The following PDE4D variants were observed in gnomAD, a reference collection of about 807,000 sequenced individuals.
PDE4D encodes phosphodiesterase 4D.
In PDE4D, 24 loss-of-function variants were observed where a neutral mutation model predicts 87.4. The ratio of observed to expected loss-of-function variants is 0.27; its 90% CI spans 0.20 to 0.39. PDE4D has a LOEUF of 0.39. PDE4D is among the 10% of genes least tolerant of loss of function. The probability of loss-of-function intolerance (pLI) is 1.00; values close to 1 mark genes in which losing one functional copy is unlikely to be tolerated. For missense variants in PDE4D, 714 were observed against 1,041.0 expected, an observed-to-expected ratio of 0.69 and a Z score of 4.32; for synonymous variants, 384 against 383.2, an observed-to-expected ratio of 1.00 and a Z score of -0.02.
intron 1 of PDE4D, among the ~76,000 whole-genome samples, chr5:59,431,309 T>G (rs1382004539): frequency 1.3e-5 from 2 of 152,146 alleles, no homozygotes; most frequent in African/African-American, 4.8e-5. Flanking sequence ...TGTATCTTTA[T>G]CCCACAGTTT....
Position 60,257,428 on chromosome 5 carries a change from C to A in PDE4D, c.-89-71741G>T, listed in dbSNP as rs550186352. Among the ~76,000 whole-genome samples the A allele has an allele frequency of 1.3e-3, 196 of 151,990 alleles. 1 individual carries two copies. Among genetic ancestry groups the A allele is most frequent in the Admixed American group, 3.0e-3 (45 of 15,236 alleles). The stretch of plus-strand genomic sequence containing the variant: ...GCAGCGGCGATATCTGAACTATTTT[C>A]AAGTATTTCATGCAAGACAAAAAAA... On this transcript the variant is annotated intron_variant, in intron 1 of 16. Transcript: ENST00000502484.
chr5:59,107,277 T>C (rs987958738), intron 5 of PDE4D, among the ~76,000 whole-genome samples: 4 of 152,158 alleles, frequency 2.6e-5, no homozygotes, highest in African/African-American at 9.7e-5. Flanking sequence ...AGTGGCACGA[T>C]CTTGGCTCGC....
intron 2 of PDE4D, among the ~76,000 whole-genome samples, chr5:60,001,660 G>T (rs1424076806): frequency 1.3e-5 from 2 of 151,790 alleles, no homozygotes; most frequent in African/African-American, 4.8e-5. Flanking sequence ...AAAGTTAAAA[G>T]GTAAAATAAT....
rs144527079 is a variant in PDE4D at position 60,438,674 on chromosome 5, T to G, written c.-90+49268A>C. 8.1e-3 allele frequency among the ~76,000 whole-genome samples: 1,231 copies of G among 152,244 alleles called. 17 individuals carry two copies. Among genetic ancestry groups the G allele is most frequent in the African/African-American group, 0.028 (1,175 of 41,554 alleles). ...ATGTCAGAAAAAATGAGCAATTTTT[T>G]TTTTGACAGTCATTACTTTCTCATA... On this transcript the variant is annotated intron_variant, in intron 1 of 16. Transcript: ENST00000502484.
At chr5:60,307,065 T>G (rs992196063) in intron 1 of PDE4D, among the ~76,000 whole-genome samples, 3 of 152,108 alleles carry the variant, frequency 2.0e-5, no homozygotes, top group Admixed American at 2.0e-4. Flanking sequence ...ACAATGATTA[T>G]TTTTGAAAAG....
chr5:59,922,421 A>C (rs73761051), intron 3 of PDE4D, among the ~76,000 whole-genome samples: 66 of 152,230 alleles, frequency 4.3e-4, no homozygotes, highest in African/African-American at 1.5e-3. Context: ...TAGGCAGAGC[A>C]GCTTGCAGCT....
At chr5:59,902,787 A>G (rs1373378654) in intron 3 of PDE4D, among the ~76,000 whole-genome samples, 1 of 152,156 alleles carries the variant, frequency 6.6e-6, no homozygotes, top group Admixed American at 6.6e-5. Context: ...CAGAAGAGAG[A>G]GCTGCAGGCC....
At chr5:59,722,489 T>G (rs1448322671) in intron 1 of PDE4D, among the ~76,000 whole-genome samples, 1 of 152,162 alleles carries the variant, frequency 6.6e-6, no homozygotes, top group African/African-American at 2.4e-5. Flanking sequence ...TTTCCTCCAG[T>G]AGTTTTTTTC....
chr5:59,587,694 T>C (rs1314928861), intron 1 of PDE4D: 1 of 857,286 alleles, frequency 1.2e-6, no homozygotes. Flanking sequence ...GGGGGCCCTC[T>C]AGGTGGGTTC....
At chr5:59,506,478 C>T (rs1809286669) in intron 1 of PDE4D, among the ~76,000 whole-genome samples, 1 of 151,936 alleles carries the variant, frequency 6.6e-6, no homozygotes, top group African/African-American at 2.4e-5. Context: ...AAATAGAAAA[C>T]AGCAGGGGGA....
At chr5:60,499,033 G>T (rs1471074772) in intron 1 of PDE4D, among the ~76,000 whole-genome samples, 2 of 152,170 alleles carry the variant, frequency 1.3e-5, no homozygotes, top group Non-Finnish European at 2.9e-5. Context: ...CCCAAACAAA[G>T]ATTCTATTCC....
At chr5:59,013,526 A>C (rs1933934599) in intron 6 of PDE4D, among the ~76,000 whole-genome samples, 1 of 152,208 alleles carries the variant, frequency 6.6e-6, no homozygotes, top group African/African-American at 2.4e-5. Flanking sequence ...CCTCTACACA[A>C]ATAAACTAGA....
At chr5:59,583,612 G>A (rs957511341) in intron 1 of PDE4D, among the ~76,000 whole-genome samples, 1 of 152,192 alleles carries the variant, frequency 6.6e-6, no homozygotes, top group African/African-American at 2.4e-5. Context: ...AGCACGGAAG[G>A]GGTAGTGTTC....
chr5:60,279,060 G>A (rs1751639730), intron 1 of PDE4D, among the ~76,000 whole-genome samples: 1 of 152,180 alleles, frequency 6.6e-6, no homozygotes, highest in South Asian at 2.1e-4. Flanking sequence ...TCTGGCAGGT[G>A]AAGGGGCAGG....
At chr5:59,409,149 A>G (rs1428110224) in intron 1 of PDE4D, among the ~76,000 whole-genome samples, 2 of 145,004 alleles carry the variant, frequency 1.4e-5, no homozygotes, top group Non-Finnish European at 3.0e-5. Context: ...CTCCATTTCA[A>G]AAAAAAAAAA....
At chr5:59,362,112 G>A (rs1782317709) in intron 1 of PDE4D, among the ~76,000 whole-genome samples, 1 of 152,134 alleles carries the variant, frequency 6.6e-6, no homozygotes. Flanking sequence ...TCATTTGAGA[G>A]CCATTGCAAA....
chr5:59,662,980 T>C (rs1745493177), intron 1 of PDE4D, among the ~76,000 whole-genome samples: 1 of 152,198 alleles, frequency 6.6e-6, no homozygotes, highest in South Asian at 2.1e-4. Flanking sequence ...TTGGAAAATA[T>C]TATTCCACTT....
intron 1 of PDE4D, among the ~76,000 whole-genome samples, chr5:60,498,005 A>T (rs1046676460): frequency 1.3e-5 from 2 of 152,218 alleles, no homozygotes; most frequent in African/African-American, 4.8e-5. Context: ...CTTCAGAAAT[A>T]GGTCATCCTC....
In PDE4D at chr5:58,975,896, A is replaced by AAG; in HGVS notation, c.1831-58_1831-57insCT. 8.0e-7 allele frequency: 1 copy of AAG among 1,257,744 alleles called. No homozygotes were observed. Among genetic ancestry groups the AAG allele is most frequent in the Non-Finnish European group, 1.1e-6 (1 of 948,602 alleles). 77.9% of individuals were successfully genotyped at this position (1,257,744 alleles called of 1,614,324 possible). ...CCTGTTCCTTTTTTTTAAAAAAAAAAACAAAAAAAACTAGAAATTCACATT... is the reference window on the plus strand; with the variant it reads ...CCTGTTCCTTTTTTTTAAAAAAAAAAAGACAAAAAAAACTAGAAATTCACATT... On this transcript the variant is annotated intron_variant, in intron 13 of 14. Coordinates refer to ENST00000340635, the MANE Select transcript of PDE4D (RefSeq NM_001104631.2). This position sits in a 1 kb window ranked among gnomAD's most constrained non-coding sequence, Gnocchi z 4.2.
Sources: allele counts gnomAD v4.1 joint callset (sites outside exome capture counted in the v4.1 genomes callset), GRCh38; gene constraint gnomAD v4.1.1; non-coding constraint Gnocchi (gnomAD v3.1); transcripts MANE v1.5; gene names NCBI Gene and HGNC (gene_info 2026-07-23, HGNC 2026-07-21).